The following POLE variants were observed in gnomAD, a reference collection of about 807,000 sequenced individuals.
The protein encoded by POLE is DNA polymerase epsilon, catalytic subunit.
A neutral mutation model predicts 279.2 loss-of-function variants in POLE; 188 were observed. The observed-to-expected ratio is 0.67, with a 90% CI of 0.60 to 0.76. The LOEUF (loss-of-function observed/expected upper bound fraction) is 0.76. Among genes scored for constraint, POLE ranks in the 30% least tolerant of loss-of-function variants. The pLI is 0.00. For missense variants in POLE, 2,703 were observed against 3,016.7 expected, an observed-to-expected ratio of 0.90 and a Z score of 2.44; for synonymous variants, 1,214 against 1,172.5, an observed-to-expected ratio of 1.04 and a Z score of -0.72.
At chr12:132,669,614 C>T (rs1400238552) in intron 16 of POLE, among the ~76,000 whole-genome samples, 1 of 152,202 alleles carries the variant, frequency 6.6e-6, no homozygotes, top group Non-Finnish European at 1.5e-5. Context: ...CCTATTGTTT[C>T]TACTTGAATT....
intron 16 of POLE, 39 bp downstream of exon 16, chr12:132,672,176 C>A (rs2135989745): frequency 1.4e-6 from 2 of 1,431,672 alleles, no homozygotes; most frequent in South Asian, 2.3e-5. Flanking sequence ...AAGAAGGCGC[C>A]AAACACAGAC....
At chr12:132,641,448 C>T in intron 39 of POLE, 199 bp downstream of exon 39, 1 of 596,754 alleles carries the variant, frequency 1.7e-6, no homozygotes, top group South Asian at 2.0e-5. Context: ...GCACACTGAA[C>T]AGTCGCCAGG....
intron 45 of POLE, among the ~76,000 whole-genome samples, chr12:132,628,573 G>A (rs1330033730): frequency 6.7e-6 from 1 of 149,126 alleles, no homozygotes; most frequent in Non-Finnish European, 1.5e-5. Flanking sequence ...AACCCAGGAG[G>A]CGGAGGTTGC....
intron 1 of POLE, among the ~76,000 whole-genome samples, chr12:132,683,433 A>ACTTT (rs2043208454): frequency 6.6e-6 from 1 of 152,196 alleles, no homozygotes; most frequent in South Asian, 2.1e-4. Context: ...CCAACCAGAC[A>ACTTT]CTTTCATATT....
chr12:132,662,264 C>G (rs1324489807), intron 23 of POLE, among the ~76,000 whole-genome samples: 1 of 152,214 alleles, frequency 6.6e-6, no homozygotes, highest in Non-Finnish European at 1.5e-5. Context: ...GCTGACTGGA[C>G]AGGGTAAGGC....
chr12:132,641,561 C>G, intron 39 of POLE, 86 bp downstream of exon 39: 2 of 1,157,404 alleles, frequency 1.7e-6, no homozygotes, highest in South Asian at 1.4e-5. Flanking sequence ...GCCCAATGGA[C>G]CCTGTCTTAG....
At chr12:132,672,866 C>A (rs755414489) in intron 14 of POLE, 27 bp from the exon 15 acceptor site, 2 of 1,592,852 alleles carry the variant, frequency 1.3e-6, no homozygotes, top group African/African-American at 2.7e-5. Context: ...GGCTTCCAGC[C>A]AAAAGCAACA....
chr12:132,673,169 C>T lies in POLE; in HGVS notation c.1468G>A (p.Asp490Asn), dbSNP rs755463796. ...ACAGGACAGATAATGCTCACCTCGT[C>T]GGGCTCCATGGGAATAATGGTGCAC... Reference protein sequence around the residue: ...ALCTIIPMEPDEVLRKGSGTL... With the variant: ...ALCTIIPMEPNEVLRKGSGTL... The change falls in exon 14 of 49, where the codon GAC becomes AAC. Residue 490 changes from aspartate to asparagine, a missense_variant. Asp to Asn is a conservative substitution (Grantham distance 23). Coordinates refer to ENST00000320574, the MANE Select transcript of POLE (RefSeq NM_006231.4). 6 of 1,598,658 alleles carry T rather than the reference C, an allele frequency of 3.8e-6. No homozygotes were observed. The highest frequency in any genetic ancestry group is 5.1e-6 in the Non-Finnish European group (6 of 1,166,004).
chr12:132,664,325 C>T lies in POLE; in HGVS notation c.2561+45G>A. The T allele has an allele frequency of 6.4e-7, 1 of 1,574,608 alleles. No individual in the cohort carries two copies. The highest frequency in any genetic ancestry group is 8.7e-7 in the Non-Finnish European group (1 of 1,145,784). ...CTCCTTCCTTCCTGCCCATGCTTGC[C>T]CCCAGGACCTGCTCCCAGCCCCACG... On this transcript the variant is annotated intron_variant, in intron 22 of 48. Coordinates refer to ENST00000320574, the MANE Select transcript of POLE (RefSeq NM_006231.4). The surrounding 1 kb of genome is among the most constrained non-coding windows in gnomAD (Gnocchi z 5.3).
chr12:132,671,350 T>C (rs567132219), intron 16 of POLE, among the ~76,000 whole-genome samples: 2 of 149,526 alleles, frequency 1.3e-5, no homozygotes, highest in East Asian at 4.0e-4. Flanking sequence ...CTGAACATGA[T>C]GTAGTGCTGC....
intron 25 of POLE, 49 bp downstream of exon 25, chr12:132,660,920 T>C (rs2138687552): frequency 2.7e-6 from 4 of 1,472,288 alleles, no homozygotes. Context: ...CCCTTCTTGC[T>C]TCATCCTTCA....
chr12:132,640,134 T>C (rs544546853), intron 39 of POLE, among the ~76,000 whole-genome samples: 4 of 152,198 alleles, frequency 2.6e-5, no homozygotes, highest in South Asian at 2.1e-4. Flanking sequence ...AACTAACACA[T>C]GCCTACACCC....
In POLE at chr12:132,675,568, C is replaced by A. The variant is rs2136009867; in HGVS notation, c.1107-51G>T. The A allele has an allele frequency of 1.2e-6, 2 of 1,608,990 alleles. No individual in the cohort carries two copies. Among genetic ancestry groups the A allele is most frequent in the Non-Finnish European group, 1.7e-6 (2 of 1,177,486 alleles). On this transcript the variant is annotated intron_variant, in intron 11 of 48. Transcript: ENST00000320574. The surrounding 1 kb of genome is among the most constrained non-coding windows in gnomAD (Gnocchi z 4.3). ...CAAGTGGGCAGGTCAGGCTCTAATG[C>A]CCCTTTCTCCATTCCTCCCTCAGAC...
rs375597878 is a variant in POLE, at chr12:132,626,340, C to A, written c.6331-23G>T. ...CACCTGCAGAGACCACAGCCCACAT[C>A]GGGAAGGAGCTCCCGGGGCCTCCCT... On this transcript the variant is annotated intron_variant, in intron 45 of 48. Coordinates refer to ENST00000320574, the MANE Select transcript of POLE (RefSeq NM_006231.4). 4 of 1,611,542 alleles carry A rather than the reference C, an allele frequency of 2.5e-6. No homozygotes were observed. The African/African-American group carries it at 5.3e-5, about 22-fold the overall frequency.
chr12:132,641,427 G>C lies in POLE; in HGVS notation c.5378+220C>G, dbSNP rs1593726669. The C allele has an allele frequency of 6.8e-6, 4 of 585,668 alleles. No homozygotes were observed. The East Asian group carries it at 1.1e-4, about 17-fold the overall frequency. The allele number at this position is 585,668 out of a possible 1,614,324, so 36.3% of individuals were successfully genotyped here. ...TGTGAAGTACCTCTGGCCACAGGGAGGTCAGAGGCAGCACACTGAACAGTC... is the reference window on the plus strand; with the variant it reads ...TGTGAAGTACCTCTGGCCACAGGGACGTCAGAGGCAGCACACTGAACAGTC... On this transcript the variant is annotated intron_variant, in intron 39 of 48. Transcript: ENST00000320574.
chr12:132,646,998 C>T (rs2138583347), intron 32 of POLE, among the ~76,000 whole-genome samples: 1 of 152,162 alleles, frequency 6.6e-6, no homozygotes, highest in African/African-American at 2.4e-5. Flanking sequence ...TGCGCCTGGC[C>T]AACACAGTTT....
At position 132,677,613 on chromosome 12, in the gene POLE, G is replaced by GGTA. The variant is rs1565977938; in HGVS notation, c.682_684dup (p.Tyr228dup). On this transcript the variant is annotated inframe_insertion, in exon 7 of 49. Transcript: ENST00000320574. Reference sequence around the variant, plus strand: ...TTCAGGTCAATGGAGAGGCGGATGTGGTAGGGAACATCGTACTCGCGCATG... The same window carrying GGTA: ...TTCAGGTCAATGGAGAGGCGGATGTGGTAGTAGGGAACATCGTACTCGCGCATG... The GGTA allele has an allele frequency of 6.2e-7, 1 of 1,614,138 alleles. No individual in the cohort carries two copies. Among genetic ancestry groups the GGTA allele is most frequent in the Non-Finnish European group, 8.5e-7 (1 of 1,180,016 alleles).
intron 45 of POLE, among the ~76,000 whole-genome samples, chr12:132,629,528 G>A (rs949814840): frequency 3.9e-5 from 6 of 152,176 alleles, no homozygotes; most frequent in Admixed American, 1.3e-4. Flanking sequence ...ATGTTACTGG[G>A]ACGGCTTCTC....
intron 12 of POLE, 98 bp from the exon 13 acceptor site, chr12:132,673,805 A>C: frequency 7.1e-7 from 1 of 1,410,486 alleles, no homozygotes; most frequent in Non-Finnish European, 9.8e-7. Flanking sequence ...GACAGATGCA[A>C]GTTCCTAACA....
Sources: gnomAD v4.1 joint callset for allele counts (sites outside exome capture counted in the v4.1 genomes callset) on GRCh38, gnomAD v4.1.1 for gene constraint, Gnocchi (gnomAD v3.1) non-coding constraint, MANE v1.5 for transcripts, NCBI Gene and HGNC (gene_info 2026-07-23, HGNC 2026-07-21) for gene names.